The following UNC5D variants were observed in gnomAD, a reference collection of about 807,000 sequenced individuals.
The protein encoded by UNC5D is unc-5 netrin receptor D, also known as netrin receptor UNC5D.
In UNC5D, 39 loss-of-function variants were observed where a neutral mutation model predicts 105.4. The ratio of observed to expected loss-of-function variants is 0.37; its 90% CI spans 0.29 to 0.48. UNC5D has a LOEUF of 0.48. Among genes scored for constraint, UNC5D ranks in the 20% least tolerant of loss-of-function variants. The pLI is 0.98. For synonymous variants in UNC5D, 452 were observed against 450.4 expected (o/e 1.00, Z -0.04); for missense variants, 991 against 1,202.4 (o/e 0.82, Z 2.60).
chr8:35,247,441 G>C (rs1362427088), intron 1 of UNC5D, among the ~76,000 whole-genome samples: 1 of 140,892 alleles, frequency 7.1e-6, no homozygotes, highest in Non-Finnish European at 1.5e-5. Flanking sequence ...TTTTGTTCCA[G>C]TTACTTAACA....
At chr8:35,762,223 A>C (rs572103916) in intron 14 of UNC5D, among the ~76,000 whole-genome samples, 1 of 152,118 alleles carries the variant, frequency 6.6e-6, no homozygotes, top group Non-Finnish European at 1.5e-5. Context: ...TGTTTTCCCT[A>C]TCAGACACCA....
chr8:35,284,756 G>T (rs1443150261), intron 1 of UNC5D, among the ~76,000 whole-genome samples: 1 of 151,904 alleles, frequency 6.6e-6, no homozygotes, highest in African/African-American at 2.4e-5. Context: ...TGGAGATGGG[G>T]TTTCACAATG....
chr8:35,357,671 C>T (rs1178079111), intron 1 of UNC5D, among the ~76,000 whole-genome samples: 2 of 152,152 alleles, frequency 1.3e-5, no homozygotes, highest in Non-Finnish European at 2.9e-5. Flanking sequence ...TATTTGAATG[C>T]TCTATTGCTA....
intron 4 of UNC5D, among the ~76,000 whole-genome samples, chr8:35,671,526 C>T (rs576962095): frequency 6.6e-6 from 1 of 152,272 alleles, no homozygotes; most frequent in Non-Finnish European, 1.5e-5. Context: ...TTAGTCACAG[C>T]TTTATTCCTA....
chr8:35,455,690 A>T (rs1320855958), intron 1 of UNC5D, among the ~76,000 whole-genome samples: 1 of 152,054 alleles, frequency 6.6e-6, no homozygotes, highest in Admixed American at 6.6e-5. Flanking sequence ...AAAAAAAAAC[A>T]AAGAGCTGTA....
intron 1 of UNC5D, among the ~76,000 whole-genome samples, chr8:35,356,378 C>G (rs1006471928): frequency 6.6e-6 from 1 of 152,116 alleles, no homozygotes; most frequent in African/African-American, 2.4e-5. Context: ...CCGTTGGATG[C>G]CTCTGGGCAT....
intron 1 of UNC5D, among the ~76,000 whole-genome samples, chr8:35,301,588 A>G (rs1019564894): frequency 6.6e-6 from 1 of 152,214 alleles, no homozygotes; most frequent in Admixed American, 6.5e-5. Flanking sequence ...TATTTCTGTT[A>G]TTTAGCATAG....
At chr8:35,351,606 A>G (rs1450977580) in intron 1 of UNC5D, among the ~76,000 whole-genome samples, 2 of 151,944 alleles carry the variant, frequency 1.3e-5, no homozygotes, top group African/African-American at 4.8e-5. Context: ...AAGACTGAGG[A>G]TTATTGTCCC....
chr8:35,474,667 C>T lies in UNC5D; in HGVS notation c.104-74625C>T, dbSNP rs75919931. On this transcript the variant is annotated intron_variant, in intron 1 of 16. Coordinates refer to ENST00000404895, the MANE Select transcript of UNC5D (RefSeq NM_080872.4). Reference sequence around the variant, plus strand: ...GGCGATTGGCACCATCACAGCCTGGCGGGATTGGGGATCCCTGAGTTCTGG... The same window carrying T: ...GGCGATTGGCACCATCACAGCCTGGTGGGATTGGGGATCCCTGAGTTCTGG... Among the ~76,000 whole-genome samples, 598 of 152,210 alleles carry T rather than the reference C, an allele frequency of 3.9e-3. 2 individuals are homozygous for T. Among genetic ancestry groups the T allele is most frequent in the Non-Finnish European group, 7.3e-3 (494 of 68,010 alleles).
intron 1 of UNC5D, among the ~76,000 whole-genome samples, chr8:35,534,214 A>G (rs937288531): frequency 2.6e-5 from 4 of 152,190 alleles, no homozygotes; most frequent in African/African-American, 9.7e-5. Flanking sequence ...GTAATGTAGC[A>G]TATATCTAGA....
intron 1 of UNC5D, among the ~76,000 whole-genome samples, chr8:35,403,678 T>A (rs1470188322): frequency 6.6e-6 from 1 of 152,156 alleles, no homozygotes; most frequent in East Asian, 1.9e-4. Context: ...TTGGGAGCAT[T>A]TTGGACTTTT....
chr8:35,507,500 G>A (rs2589348), intron 1 of UNC5D, among the ~76,000 whole-genome samples: 1 of 151,804 alleles, frequency 6.6e-6, no homozygotes, highest in Non-Finnish European at 1.5e-5. Context: ...ACAACACAGC[G>A]TGGTGGATAG....
At chr8:35,677,338 G>A (rs981015429) in intron 4 of UNC5D, among the ~76,000 whole-genome samples, 5 of 152,144 alleles carry the variant, frequency 3.3e-5, no homozygotes, top group Non-Finnish European at 7.4e-5. Flanking sequence ...CTGTGGAAAC[G>A]CAGAACAGTC....
chr8:35,246,465 T>C (rs1158674393), intron 1 of UNC5D, among the ~76,000 whole-genome samples: 6 of 152,254 alleles, frequency 3.9e-5, no homozygotes, highest in South Asian at 2.1e-4. Context: ...CATACATGTA[T>C]AACTAATGCA....
At chr8:35,645,103 G>A (rs1392919007) in intron 4 of UNC5D, among the ~76,000 whole-genome samples, 1 of 152,120 alleles carries the variant, frequency 6.6e-6, no homozygotes, top group Non-Finnish European at 1.5e-5. Flanking sequence ...GGCACAGTGA[G>A]AGTTCACACA....
At chr8:35,393,129 T>C (rs1038372444) in intron 1 of UNC5D, among the ~76,000 whole-genome samples, 2 of 127,774 alleles carry the variant, frequency 1.6e-5, no homozygotes, top group Admixed American at 7.7e-5. Flanking sequence ...TTCCTACTTT[T>C]TTTTTTTTTT....
chr8:35,692,907 T>A (rs558228507), intron 7 of UNC5D, among the ~76,000 whole-genome samples: 1 of 152,346 alleles, frequency 6.6e-6, no homozygotes, highest in South Asian at 2.1e-4. Context: ...ATTGATTAAT[T>A]CATAATTTGC....
chr8:35,540,803 GAAA>G (rs1482413444), intron 1 of UNC5D, among the ~76,000 whole-genome samples: 1 of 152,142 alleles, frequency 6.6e-6, no homozygotes, highest in Non-Finnish European at 1.5e-5. Flanking sequence ...AACAATCAAA[GAAA>G]AACAAAACTT....
chr8:35,533,700 T>C (rs2130570357), intron 1 of UNC5D, among the ~76,000 whole-genome samples: 1 of 152,288 alleles, frequency 6.6e-6, no homozygotes, highest in Non-Finnish European at 1.5e-5. Context: ...ATCAGCGAGA[T>C]TCCGTGGGCG....
Sources: gnomAD v4.1 joint callset for allele counts (sites outside exome capture counted in the v4.1 genomes callset) on GRCh38, gnomAD v4.1.1 for gene constraint, MANE v1.5 for transcripts, NCBI Gene and HGNC (gene_info 2026-07-23, HGNC 2026-07-21) for gene names.